Variants in ASTN2 observed in about 807,000 individuals in gnomAD.
ASTN2 encodes the protein astrotactin-2.
A neutral mutation model predicts 139.8 loss-of-function variants in ASTN2; 54 were observed. The ratio of observed to expected loss-of-function variants is 0.39; its 90% CI spans 0.31 to 0.48. ASTN2 has a LOEUF of 0.48. ASTN2 is among the 20% of genes least tolerant of loss of function. The pLI is 0.95. For missense variants in ASTN2, 1,565 were observed against 1,725.1 expected, an observed-to-expected ratio of 0.91 and a Z score of 1.64; for synonymous variants, 756 against 719.5, an observed-to-expected ratio of 1.05 and a Z score of -0.81.
chr9:117,148,081 C>A (rs947633339), intron 3 of ASTN2, among the ~76,000 whole-genome samples: 1 of 152,160 alleles, frequency 6.6e-6, no homozygotes, highest in Admixed American at 6.5e-5. Context: ...GACTGTCCAC[C>A]ATGGAGGTTC....
At chr9:116,660,300 C>A (rs4837746) in intron 16 of ASTN2, among the ~76,000 whole-genome samples, 1 of 151,914 alleles carries the variant, frequency 6.6e-6, no homozygotes, top group Non-Finnish European at 1.5e-5. Flanking sequence ...ATTTCCTAAC[C>A]TAAGTGAATT....
chr9:117,054,343 C>T (rs1838997729), intron 5 of ASTN2, among the ~76,000 whole-genome samples: 1 of 152,192 alleles, frequency 6.6e-6, no homozygotes, highest in Non-Finnish European at 1.5e-5. Flanking sequence ...CCACCTGGAG[C>T]AAATCCCTTC....
intron 13 of ASTN2, among the ~76,000 whole-genome samples, chr9:116,753,184 G>C (rs1475235629): frequency 6.6e-6 from 1 of 152,130 alleles, no homozygotes; most frequent in African/African-American, 2.4e-5. Flanking sequence ...TAAAAAATGA[G>C]CTATCTAGCC....
At chr9:116,778,217 A>G (rs1482325286) in intron 13 of ASTN2, among the ~76,000 whole-genome samples, 1 of 152,010 alleles carries the variant, frequency 6.6e-6, no homozygotes, top group African/African-American at 2.4e-5. Context: ...TTATGCCATG[A>G]TGTTGGGAAA....
chr9:116,546,971 G>A (rs1169938250), intron 19 of ASTN2, among the ~76,000 whole-genome samples: 1 of 152,184 alleles, frequency 6.6e-6, no homozygotes, highest in Non-Finnish European at 1.5e-5. Flanking sequence ...AGGCACGCCG[G>A]CTGGAGGGGG....
intron 13 of ASTN2, among the ~76,000 whole-genome samples, chr9:116,796,785 A>G (rs1369581661): frequency 2.6e-5 from 4 of 152,078 alleles, no homozygotes; most frequent in Admixed American, 1.3e-4. Context: ...TGTATTGTAG[A>G]CTCAAATTTC....
chr9:117,355,025 C>T (rs556596398), intron 1 of ASTN2, among the ~76,000 whole-genome samples: 5 of 151,974 alleles, frequency 3.3e-5, no homozygotes, highest in Non-Finnish European at 7.4e-5. Context: ...TTTTTTTAAT[C>T]CATGAGTCCT....
chr9:117,244,563 AAGGAAGGAAGGGAGGGAGGGAGGG>A (rs1249205590), intron 2 of ASTN2, among the ~76,000 whole-genome samples: 3 of 60,414 alleles, frequency 5.0e-5, no homozygotes, highest in Non-Finnish European at 8.4e-5. Context: ...GTGGGGAAGG[AAGGAAGGAAGGGAGGGAGGGAGGG>A]AGGGAGGGAG....
intron 2 of ASTN2, among the ~76,000 whole-genome samples, chr9:117,253,886 AC>A (rs1187596017): frequency 6.6e-6 from 1 of 151,866 alleles, no homozygotes; most frequent in Non-Finnish European, 1.5e-5. Flanking sequence ...TATTTCTTCC[AC>A]CCCATTTTGG....
In ASTN2 at chr9:117,036,186, C is replaced by T. The variant is rs144448678; in HGVS notation, c.1423+3633G>A. 6.3e-4 allele frequency among the ~76,000 whole-genome samples: 96 copies of T among 152,162 alleles called. 1 individual carries two copies. In the East Asian group the frequency reaches 0.018, roughly 29 times the overall value. ...GTAACTAAGCAACAAAATTGAGATCCAAACCAAAACTTACTTCATTTGAAA... is the reference window on the plus strand; with the variant it reads ...GTAACTAAGCAACAAAATTGAGATCTAAACCAAAACTTACTTCATTTGAAA... On this transcript the variant is annotated intron_variant, in intron 6 of 22. Transcript: ENST00000313400.
intron 13 of ASTN2, among the ~76,000 whole-genome samples, chr9:116,801,796 T>A (rs934621980): frequency 6.6e-6 from 1 of 151,904 alleles, no homozygotes; most frequent in Non-Finnish European, 1.5e-5. Context: ...CGACAGAGCT[T>A]AAATGGAATA....
intron 6 of ASTN2, among the ~76,000 whole-genome samples, chr9:117,018,191 A>C (rs905606806): frequency 6.6e-6 from 1 of 152,260 alleles, no homozygotes; most frequent in South Asian, 2.1e-4. Flanking sequence ...ATGAAAATTT[A>C]TGGTAAGACA....
intron 5 of ASTN2, among the ~76,000 whole-genome samples, chr9:117,088,745 T>C (rs908295493): frequency 1.3e-5 from 2 of 152,054 alleles, no homozygotes; most frequent in African/African-American, 2.4e-5. Flanking sequence ...GTACCTGAGA[T>C]TGGGGATCAG....
intron 20 of ASTN2, among the ~76,000 whole-genome samples, chr9:116,466,876 G>C (rs780083307): frequency 8.5e-5 from 13 of 152,234 alleles, no homozygotes; most frequent in African/African-American, 2.9e-4. Context: ...AAGACTCTGA[G>C]AATAACATTT....
At chr9:116,765,999 A>G (rs1004720187) in intron 13 of ASTN2, among the ~76,000 whole-genome samples, 9 of 152,130 alleles carry the variant, frequency 5.9e-5, no homozygotes, top group Non-Finnish European at 1.2e-4. Context: ...TTCAATACTG[A>G]GTGAAAAGGG....
chr9:117,193,577 G>T (rs1394081871), intron 3 of ASTN2, among the ~76,000 whole-genome samples: 1 of 138,004 alleles, frequency 7.2e-6, no homozygotes. Context: ...GGCAGAGCTT[G>T]CAGTAAGCCA....
chr9:116,856,704 AT>A (rs1390728184), intron 11 of ASTN2, among the ~76,000 whole-genome samples: 1 of 152,248 alleles, frequency 6.6e-6, no homozygotes, highest in Non-Finnish European at 1.5e-5. Flanking sequence ...CACCTGTGCA[AT>A]CAGGGATCCT....
At chr9:116,852,754 C>CATGTT (rs1170327736) in intron 11 of ASTN2, among the ~76,000 whole-genome samples, 1 of 151,994 alleles carries the variant, frequency 6.6e-6, no homozygotes, top group Non-Finnish European at 1.5e-5. Context: ...AAAATAAAAG[C>CATGTT]ATGTTATCCT....
At chr9:116,731,861 T>C (rs1828794112) in intron 14 of ASTN2, among the ~76,000 whole-genome samples, 1 of 151,918 alleles carries the variant, frequency 6.6e-6, no homozygotes, top group Non-Finnish European at 1.5e-5. Flanking sequence ...ATGTCTGCTT[T>C]AGGAGGTAGT....
Sources: allele counts gnomAD v4.1 joint callset (sites outside exome capture counted in the v4.1 genomes callset), GRCh38; gene constraint gnomAD v4.1.1; transcripts MANE v1.5; gene names NCBI Gene and HGNC (gene_info 2026-07-23, HGNC 2026-07-21).